NOP58: variants seen among roughly 807,000 people sequenced by gnomAD.
The protein encoded by NOP58 is nucleolar protein 58.
Under a neutral mutation model 71.2 loss-of-function variants are expected in NOP58, and 44 were observed. The observed-to-expected ratio is 0.62, with a 90% confidence interval of 0.49 to 0.79. The LOEUF is 0.79. Among genes scored for constraint, NOP58 ranks in the 30% least tolerant of loss-of-function variants. The pLI, the probability that NOP58 is intolerant of heterozygous loss-of-function variation, is 0.00. For synonymous variants in NOP58, 228 were observed against 200.3 expected (o/e 1.14, Z -1.17); for missense variants, 538 against 620.2 (o/e 0.87, Z 1.41).
At chr2:202,297,663 A>G (rs148531471) in intron 11 of NOP58, 150 bp downstream of exon 11, 16 of 905,466 alleles carry the variant, frequency 1.8e-5, no homozygotes, top group Admixed American at 8.9e-5. Context: ...AACAATTGCT[A>G]TTATTTACCA....
At chr2:202,271,770 C>G (rs1232296723) in intron 1 of NOP58, among the ~76,000 whole-genome samples, 1 of 152,172 alleles carries the variant, frequency 6.6e-6, no homozygotes, top group African/African-American at 2.4e-5. Flanking sequence ...AAGCAAGCCC[C>G]TGTCTCTACA....
In NOP58 at chr2:202,290,450, G is replaced by C. The variant is rs947801696; in HGVS notation, c.627G>C (p.Gln209His). 1 of 1,607,588 alleles carries C rather than the reference G, an allele frequency of 6.2e-7. No homozygotes were observed. The highest frequency in any genetic ancestry group is 2.2e-5 in the East Asian group (1 of 44,790). ...SDNLTYCKCL[Q>H]KVGDRKNYAS... ...ATTTAACATACTGCAAGTGTTTACAGAAAGTTGGTGAGTAATTTGTTCATC... is the reference window on the plus strand; with the variant it reads ...ATTTAACATACTGCAAGTGTTTACACAAAGTTGGTGAGTAATTTGTTCATC... Residue 209 changes from glutamine (Q) to histidine (H), a missense_variant, in exon 7 of 15, where the codon CAG becomes CAC. Gln to His is a conservative substitution (Grantham distance 24). Coordinates refer to ENST00000264279, the MANE Select transcript of NOP58 (RefSeq NM_015934.5).
At chr2:202,266,790 A>G (rs1688424669) in intron 1 of NOP58, among the ~76,000 whole-genome samples, 2 of 152,214 alleles carry the variant, frequency 1.3e-5, no homozygotes, top group Non-Finnish European at 1.5e-5. Context: ...AGAAATTGTG[A>G]AGGTAGAACA....
In NOP58 at chr2:202,292,661, G is replaced by C. The variant is rs1422940750; in HGVS notation, c.781-116G>C. On this transcript the variant is annotated intron_variant, in intron 8 of 14. Transcript: ENST00000264279. Reference sequence around the variant, plus strand: ...ATGTTAGGCATAGGTGATGTACCCAGTACCCAGGGTTGTGTAGCTGCTCTT... The same window carrying C: ...ATGTTAGGCATAGGTGATGTACCCACTACCCAGGGTTGTGTAGCTGCTCTT... The C allele has an allele frequency of 1.9e-5, 15 of 777,054 alleles. No homozygotes were observed. In the East Asian group the frequency reaches 3.8e-4, roughly 20 times the overall value. The allele number at this position is 777,054 out of a possible 1,614,324, so 48.1% of individuals were successfully genotyped here. A position where few individuals can be genotyped will look rare whatever the true frequency, so the allele number is the denominator to read the frequency against.
chr2:202,275,935 C>T (rs779228071), intron 2 of NOP58, among the ~76,000 whole-genome samples: 16 of 152,178 alleles, frequency 1.1e-4, no homozygotes, highest in Middle Eastern at 3.2e-3. Context: ...TCACAAAGTG[C>T]TGGGAGTACA....
rs150900848 is a variant in NOP58, at chr2:202,302,986, A to G, written c.1468A>G (p.Arg490Gly). 32 of 1,612,242 alleles carry G rather than the reference A, an allele frequency of 2.0e-5. No homozygotes were observed. The African/African-American group carries it at 2.7e-4, about 13-fold the overall frequency. The change falls in exon 14 of 15, where the codon AGG becomes GGG. Residue 490 changes from arginine to glycine, a missense_variant. By Grantham distance (125) the Arg-to-Gly change is moderately radical. Transcript: ENST00000264279. ...EETSVKKKKKRGKKKHIKEEP... is the reference protein window; with the variant it reads ...EETSVKKKKKGGKKKHIKEEP... ...AACATCTGTGAAGAAGAAGAAGAAAAGGGGTAAAAAGAAACACATTAAGGA... is the reference window on the plus strand; with the variant it reads ...AACATCTGTGAAGAAGAAGAAGAAAGGGGGTAAAAAGAAACACATTAAGGA...
chr2:202,300,307 G>A lies in NOP58; in HGVS notation c.1342G>A (p.Val448Ile). 1.9e-6 allele frequency: 3 copies of A among 1,601,162 alleles called. No homozygotes were observed. The highest frequency in any genetic ancestry group is 1.7e-4 in the Middle Eastern group (1 of 5,990). ...TCSKKRKIEQ[V>I]DKEDEITEKK... ...TTCTAAAAAACGCAAAATAGAACAG[G>A]TAGATAAAGAGGATGAAATTACTGA... Residue 448 changes from valine to isoleucine, a missense_variant, in exon 13 of 15, where the codon GTA becomes ATA. By Grantham distance (29) the Val-to-Ile change is conservative (BLOSUM62 3). Transcript: ENST00000264279.
At chr2:202,301,941 C>T (rs1273607784) in intron 13 of NOP58, among the ~76,000 whole-genome samples, 1 of 152,026 alleles carries the variant, frequency 6.6e-6, no homozygotes, top group Non-Finnish European at 1.5e-5. Flanking sequence ...CACTCTGCCA[C>T]TAAAATAAAA....
At chr2:202,275,090 A>T (rs1688569808) in intron 1 of NOP58, 23 bp from the exon 2 acceptor site, 1 of 1,208,782 alleles carries the variant, frequency 8.3e-7, no homozygotes, top group South Asian at 1.3e-5. Context: ...TTTAAATAAA[A>T]CTATTTAAAC....
At chr2:202,296,758 G>T (rs1228216295) in intron 10 of NOP58, among the ~76,000 whole-genome samples, 2 of 150,844 alleles carry the variant, frequency 1.3e-5, no homozygotes, top group Non-Finnish European at 2.9e-5. Flanking sequence ...TTTTGAGATG[G>T]AGTCTCACTC....
chr2:202,267,350 C>A (rs1460723019), intron 1 of NOP58, among the ~76,000 whole-genome samples: 6 of 152,078 alleles, frequency 3.9e-5, no homozygotes, highest in Non-Finnish European at 4.4e-5. Flanking sequence ...TCACTTCTGA[C>A]ATTTGAAAAT....
chr2:202,297,792 A>T (rs1189016765), intron 11 of NOP58, 53 bp from the exon 12 acceptor site: 1 of 1,076,742 alleles, frequency 9.3e-7, no homozygotes, highest in African/African-American at 1.6e-5. Context: ...ATAGTGTATT[A>T]TAAAGAGATT....
rs766126376 is a variant in NOP58, at chr2:202,282,409, A to T, written c.234A>T (p.Lys78Asn). 6.2e-7 allele frequency: 1 copy of T among 1,613,766 alleles called. No homozygotes were observed. Among genetic ancestry groups the T allele is most frequent in the South Asian group, 1.1e-5 (1 of 90,972 alleles). Residue 78 changes from lysine (K) to asparagine (N), a missense_variant, in exon 4 of 15, where the codon AAA (lysine) becomes AAT (asparagine). By Grantham distance (94) the Lys-to-Asn change is moderately conservative. Coordinates refer to ENST00000264279, the MANE Select transcript of NOP58 (RefSeq NM_015934.5). ...INKQLKKVLK[K>N]IVKEAHEPLA... is the part of the protein sequence containing the mutation. The stretch of plus-strand genomic sequence containing the variant: ...AGCAGCTGAAAAAAGTTCTGAAGAA[A>T]ATAGTAAAAGAAGCCCATGAACCGC...
At chr2:202,277,881 A>G in intron 2 of NOP58, 69 bp from the exon 3 acceptor site, 1 of 814,418 alleles carries the variant, frequency 1.2e-6, no homozygotes, top group Non-Finnish European at 2.1e-6. Context: ...CTTCTTTCCA[A>G]GTTATGTGGC....
At chr2:202,283,916 C>T (rs1452712526) in intron 4 of NOP58, among the ~76,000 whole-genome samples, 2 of 152,102 alleles carry the variant, frequency 1.3e-5, no homozygotes, top group Non-Finnish European at 2.9e-5. Context: ...ATTCTACAAA[C>T]ACACTGGAAA....
chr2:202,272,546 C>G (rs1174506013), intron 1 of NOP58, among the ~76,000 whole-genome samples: 1 of 152,188 alleles, frequency 6.6e-6, no homozygotes, highest in Non-Finnish European at 1.5e-5. Flanking sequence ...CAATAAACAA[C>G]TACAAAGCCT....
chr2:202,286,203 A>G (rs1574383005), intron 5 of NOP58, among the ~76,000 whole-genome samples: 2 of 136,760 alleles, frequency 1.5e-5, no homozygotes, highest in South Asian at 2.4e-4. Flanking sequence ...AAAAAAAGGG[A>G]GAAAGAAACA....
chr2:202,287,471 TA>T (rs1464562353), intron 5 of NOP58, among the ~76,000 whole-genome samples, 188 bp from the exon 6 acceptor site: 2 of 152,166 alleles, frequency 1.3e-5, no homozygotes, highest in East Asian at 1.9e-4. Context: ...TTTTTTTTTT[TA>T]ATGTGTATTT....
In NOP58 at chr2:202,300,378, A is replaced by G; in HGVS notation, c.1402+11A>G. The G allele has an allele frequency of 6.8e-7, 1 of 1,478,022 alleles. No individual in the cohort carries two copies. Among genetic ancestry groups the G allele is most frequent in the Admixed American group, 2.2e-5 (1 of 44,814 alleles). 91.6% of individuals were successfully genotyped at this position (1,478,022 alleles called of 1,614,324 possible). A position where few individuals can be genotyped will look rare whatever the true frequency, so the allele number is the denominator to read the frequency against. On this transcript the variant is annotated intron_variant, in intron 13 of 14. Coordinates refer to ENST00000264279, the MANE Select transcript of NOP58 (RefSeq NM_015934.5). ...AGATTAAAGTTAAAGGTTAGTTTGA[A>G]TTTTTTTTTTAACACAACTTATACT... is the stretch of plus-strand genomic sequence containing the variant.
Sources: allele counts gnomAD v4.1 joint callset (sites outside exome capture counted in the v4.1 genomes callset), GRCh38; gene constraint gnomAD v4.1.1; transcripts MANE v1.5; gene names NCBI Gene and HGNC (gene_info 2026-07-23, HGNC 2026-07-21).